The following PARD3 variants were observed in gnomAD, a reference collection of about 807,000 sequenced individuals.
PARD3 encodes the protein partitioning defective 3 homolog.
In PARD3, 75 loss-of-function variants were observed where a neutral mutation model predicts 155.4. That is an observed-to-expected ratio of 0.48 (90% confidence interval 0.40 to 0.58). The LOEUF (loss-of-function observed/expected upper bound fraction) is 0.58. Ranked by LOEUF, PARD3 falls within the 20% of genes least tolerant of loss-of-function variation. The probability of loss-of-function intolerance (pLI) is 0.00; values close to 1 mark genes in which losing one functional copy is unlikely to be tolerated. For missense variants in PARD3, 1,642 were observed against 1,721.7 expected (o/e 0.95, Z 0.82); for synonymous variants, 576 against 610.5 (o/e 0.94, Z 0.83).
At chr10:34,368,439 G>A (rs1018996582) in intron 12 of PARD3, among the ~76,000 whole-genome samples, 4 of 152,066 alleles carry the variant, frequency 2.6e-5, no homozygotes, top group Admixed American at 6.5e-5. Context: ...TTGGGAGGCC[G>A]AGGCAGGTGG....
At chr10:34,115,504 CT>C (rs1338331022) in intron 24 of PARD3, among the ~76,000 whole-genome samples, 3 of 152,094 alleles carry the variant, frequency 2.0e-5, no homozygotes, top group African/African-American at 7.2e-5. Flanking sequence ...AGCAATTTTT[CT>C]GTTCTACTGC....
intron 3 of PARD3, among the ~76,000 whole-genome samples, chr10:34,511,863 G>A (rs1314597903): frequency 1.3e-5 from 2 of 152,212 alleles, no homozygotes; most frequent in Non-Finnish European, 2.9e-5. Context: ...GCCACAGCGA[G>A]TGCAGTCACA....
chr10:34,592,319 T>G (rs192446054), intron 2 of PARD3, among the ~76,000 whole-genome samples: 2 of 152,298 alleles, frequency 1.3e-5, no homozygotes, highest in South Asian at 2.1e-4. Context: ...GACACTAATT[T>G]TTTTCCTCTG....
At chr10:34,706,444 A>C (rs1318911741) in intron 1 of PARD3, among the ~76,000 whole-genome samples, 2 of 152,172 alleles carry the variant, frequency 1.3e-5, no homozygotes, top group Non-Finnish European at 2.9e-5. Context: ...TTGTTAATAC[A>C]GTACATAAAG....
chr10:34,755,186 G>A (rs904066511), intron 1 of PARD3, among the ~76,000 whole-genome samples: 4 of 151,558 alleles, frequency 2.6e-5, no homozygotes, highest in Admixed American at 2.6e-4. Flanking sequence ...CAGATCACTT[G>A]AGGTCAGGAG....
chr10:34,176,594 T>C (rs1413955581), intron 22 of PARD3, among the ~76,000 whole-genome samples: 1 of 152,194 alleles, frequency 6.6e-6, no homozygotes, highest in Non-Finnish European at 1.5e-5. Flanking sequence ...TCCTGCCACC[T>C]GTACCGTTCC....
chr10:34,744,787 A>G (rs1835101070), intron 1 of PARD3, among the ~76,000 whole-genome samples: 1 of 152,244 alleles, frequency 6.6e-6, no homozygotes, highest in South Asian at 2.1e-4. Flanking sequence ...AGATAAGCAA[A>G]ATGCCAAAAT....
rs1246859183 is a variant in PARD3, at chr10:34,337,301, C to T, written c.2534G>A (p.Arg845Gln). Residue 845 changes from arginine to glutamine, a missense_variant, in exon 17 of 25, where the codon CGA becomes CAA. Arg to Gln is a conservative substitution (Grantham distance 43, BLOSUM62 1). Coordinates refer to ENST00000374788, the MANE Select transcript of PARD3 (RefSeq NM_001184785.2). The part of the protein sequence containing the change: ...DASQLDFVKT[R>Q]KSKSMDLGIA... ...ACCTAAATCCATGCTTTTTGATTTT[C>T]GTGTTTTAACGAAATCCAATTGACT... 2.5e-6 allele frequency: 4 copies of T among 1,595,804 alleles called. No homozygotes were observed. The highest frequency in any genetic ancestry group is 1.4e-5 in the African/African-American group (1 of 73,594).
At chr10:34,355,142 C>A (rs1021473998) in intron 14 of PARD3, among the ~76,000 whole-genome samples, 2 of 152,040 alleles carry the variant, frequency 1.3e-5, no homozygotes, top group African/African-American at 4.8e-5. Flanking sequence ...TTAAAACCAA[C>A]CTGGGCAACA....
intron 21 of PARD3, among the ~76,000 whole-genome samples, chr10:34,282,920 T>A (rs906462931): frequency 1.3e-5 from 2 of 151,974 alleles, no homozygotes; most frequent in African/African-American, 4.8e-5. Context: ...CAAAGCAAGG[T>A]GAAATGATTT....
intron 22 of PARD3, among the ~76,000 whole-genome samples, chr10:34,190,855 G>C (rs1277742255): frequency 6.6e-6 from 1 of 152,110 alleles, no homozygotes; most frequent in Non-Finnish European, 1.5e-5. Context: ...GGGAGGAGCA[G>C]AGAAAACAGC....
chr10:34,565,371 G>A (rs188648915), intron 2 of PARD3, among the ~76,000 whole-genome samples: 10 of 144,256 alleles, frequency 6.9e-5, no homozygotes, highest in African/African-American at 1.6e-4. Context: ...GGGTTCAAGC[G>A]ATTCTCTTGC....
chr10:34,337,345 T>C lies in PARD3; in HGVS notation c.2490A>G (p.Thr830=), dbSNP rs773394067. The C allele has an allele frequency of 4.4e-6, 7 of 1,603,532 alleles. No homozygotes were observed. The South Asian group carries it at 7.8e-5, about 18-fold the overall frequency. ...ATTGACTGGCATCTGAAAATTGCTT[T>C]GTGCGTTTTTCTGACATACTCTGAC... ...FGRQSMSEKR[T]KQFSDASQLD... Residue 830 remains threonine (T), a synonymous_variant, in exon 17 of 25, where the codon ACA becomes ACG. Coordinates refer to ENST00000374788, the MANE Select transcript of PARD3 (RefSeq NM_001184785.2).
At chr10:34,483,501 AGAG>A (rs1657137469) in intron 3 of PARD3, among the ~76,000 whole-genome samples, 1 of 133,960 alleles carries the variant, frequency 7.5e-6, no homozygotes, top group African/African-American at 3.7e-5. Context: ...AAAAAAAAAG[AGAG>A]AGAAAAAAAA....
chr10:34,184,861 T>C (rs1950417904), intron 22 of PARD3, among the ~76,000 whole-genome samples: 2 of 152,048 alleles, frequency 1.3e-5, no homozygotes, highest in Non-Finnish European at 2.9e-5. Flanking sequence ...AAGACAGAGG[T>C]CTTGACTTTT....
chr10:34,359,017 T>C (rs189987206), intron 14 of PARD3, 130 bp downstream of exon 14: 153 of 631,666 alleles, frequency 2.4e-4, no homozygotes, highest in Non-Finnish European at 2.1e-4. Flanking sequence ...ATAATAAAAC[T>C]ACAATAAGCA....
chr10:34,393,296 C>T (rs1323996431), intron 7 of PARD3, among the ~76,000 whole-genome samples: 1 of 151,796 alleles, frequency 6.6e-6, no homozygotes, highest in Non-Finnish European at 1.5e-5. Flanking sequence ...AGAAAAGATC[C>T]AGGCCAGGCA....
chr10:34,491,004 C>G (rs1458075344), intron 3 of PARD3, among the ~76,000 whole-genome samples: 1 of 152,188 alleles, frequency 6.6e-6, no homozygotes, highest in Non-Finnish European at 1.5e-5. Flanking sequence ...GAAGAGACAG[C>G]ATTGCATATC....
intron 2 of PARD3, among the ~76,000 whole-genome samples, chr10:34,523,443 A>G (rs2082277423): frequency 6.6e-6 from 1 of 152,226 alleles, no homozygotes; most frequent in Non-Finnish European, 1.5e-5. Context: ...TTCTTTTAAA[A>G]AGGCATCATA....
Sources: gnomAD v4.1 joint callset for allele counts (sites outside exome capture counted in the v4.1 genomes callset) on GRCh38, gnomAD v4.1.1 for gene constraint, MANE v1.5 for transcripts, NCBI Gene and HGNC (gene_info 2026-07-23, HGNC 2026-07-21) for gene names.